The following TCF7L2 variants were observed in gnomAD, a reference collection of about 807,000 sequenced individuals.
TCF7L2 encodes the protein transcription factor 7-like 2.
TCF7L2 carries 23 observed loss-of-function variants against 77.9 expected under a neutral mutation model. That is an observed-to-expected ratio of 0.30 (90% confidence interval 0.21 to 0.42). The LOEUF is 0.42. TCF7L2 is among the 10% of genes least tolerant of loss of function. The pLI is 1.00. For missense variants in TCF7L2, 654 were observed against 793.1 expected, an observed-to-expected ratio of 0.82 and a Z score of 2.11; for synonymous variants, 413 against 340.2, an observed-to-expected ratio of 1.21 and a Z score of -2.36.
At chr10:113,076,060 C>T (rs1431519138) in intron 5 of TCF7L2, among the ~76,000 whole-genome samples, 1 of 146,380 alleles carries the variant, frequency 6.8e-6, no homozygotes, top group Non-Finnish European at 1.5e-5. Context: ...CACTTAAACC[C>T]AGGAGGCGAA....
intron 3 of TCF7L2, among the ~76,000 whole-genome samples, chr10:112,955,226 CT>C (rs1308726075): frequency 6.6e-6 from 1 of 151,988 alleles, no homozygotes; most frequent in African/African-American, 2.4e-5. Flanking sequence ...CAATAAAATG[CT>C]TATCGCCCTG....
intron 4 of TCF7L2, among the ~76,000 whole-genome samples, chr10:112,992,321 C>T (rs1027101711): frequency 2.6e-5 from 4 of 152,306 alleles, no homozygotes; most frequent in African/African-American, 9.6e-5. Flanking sequence ...GATTCCATTC[C>T]GCACGCCACC....
intron 3 of TCF7L2, among the ~76,000 whole-genome samples, chr10:112,954,576 A>C (rs1333273715): frequency 6.6e-6 from 1 of 152,248 alleles, no homozygotes; most frequent in Non-Finnish European, 1.5e-5. Flanking sequence ...ACAAAACTGC[A>C]TTAAGGAGAG....
chr10:112,951,689 G>GCCCCCTCCCCGCCTC (rs1554855559), intron 3 of TCF7L2, 82 bp downstream of exon 3: 18 of 766,292 alleles, frequency 2.3e-5, no homozygotes, highest in African/African-American at 2.8e-5. Context: ...CCCCTGCCCT[G>GCCCCCTCCCCGCCTC]CCCCCTCCCC....
chr10:112,966,210 A>ATATATATATATATATATATATT (rs1554877072), intron 4 of TCF7L2, among the ~76,000 whole-genome samples: 3 of 108,616 alleles, frequency 2.8e-5, no homozygotes, highest in South Asian at 2.8e-4. Context: ...ATATATATAT[A>ATATATATATATATATATATATT]TTTTCTTTTC....
chr10:113,130,963 A>T (rs1250487074), intron 5 of TCF7L2, among the ~76,000 whole-genome samples: 1 of 151,982 alleles, frequency 6.6e-6, no homozygotes, highest in Non-Finnish European at 1.5e-5. Context: ...ACGGGGTTTC[A>T]TCACGTTGGC....
Position 113,165,599 on chromosome 10 carries a change from G to A in TCF7L2, c.1436G>A (p.Cys479Tyr). 1.2e-6 allele frequency: 2 copies of A among 1,614,046 alleles called. No individual in the cohort carries two copies. Among genetic ancestry groups the A allele is most frequent in the Non-Finnish European group, 1.7e-6 (2 of 1,179,976 alleles). Residue 479 changes from cysteine to tyrosine, a missense_variant, in exon 14 of 14, where the codon TGC becomes TAC. Around this residue, in one of 6 missense-constraint regions of TCF7L2, gnomAD observed 272 missense variants for 215.4 expected, o/e 1.26. Coordinates refer to ENST00000627217, the MANE Select transcript of TCF7L2 (RefSeq NM_001146274.2). ...CGCTACATACAAGGTGAAGGCAGCT[G>A]CCTCAGCCCACCCTCTTCAGATGGA...
At chr10:113,029,218 A>G (rs145577573) in intron 4 of TCF7L2, among the ~76,000 whole-genome samples, 3 of 152,262 alleles carry the variant, frequency 2.0e-5, no homozygotes, top group African/African-American at 7.2e-5. Context: ...TGTTGACTCA[A>G]CTGCTCTTCT....
intron 13 of TCF7L2, among the ~76,000 whole-genome samples, chr10:113,164,317 T>G (rs184536700): frequency 9.2e-5 from 14 of 152,328 alleles, no homozygotes; most frequent in Non-Finnish European, 1.2e-4. Context: ...CTTACATGAA[T>G]GAGTAGTGAA....
At chr10:113,019,603 T>A (rs1361051694) in intron 4 of TCF7L2, among the ~76,000 whole-genome samples, 1 of 152,070 alleles carries the variant, frequency 6.6e-6, no homozygotes, top group Non-Finnish European at 1.5e-5. Context: ...AAAAATAAAC[T>A]GAAAATATGT....
intron 5 of TCF7L2, among the ~76,000 whole-genome samples, chr10:113,113,526 C>T (rs765524011): frequency 5.3e-5 from 8 of 152,064 alleles, no homozygotes; most frequent in Admixed American, 6.5e-5. Context: ...CTGTGTTGCT[C>T]GCACCTTCAC....
intron 4 of TCF7L2, among the ~76,000 whole-genome samples, chr10:113,024,589 G>A (rs918829114): frequency 1.3e-5 from 2 of 150,776 alleles, no homozygotes; most frequent in African/African-American, 4.9e-5. Flanking sequence ...ATCTGAACAG[G>A]AAATTCATTT....
At chr10:113,096,677 C>T (rs1357999732) in intron 5 of TCF7L2, among the ~76,000 whole-genome samples, 1 of 152,098 alleles carries the variant, frequency 6.6e-6, no homozygotes, top group Non-Finnish European at 1.5e-5. Context: ...GAAAGAGGAG[C>T]AGCCACACCC....
intron 4 of TCF7L2, among the ~76,000 whole-genome samples, chr10:113,020,338 GGA>G (rs2048080492): frequency 6.6e-6 from 1 of 152,120 alleles, no homozygotes; most frequent in Non-Finnish European, 1.5e-5. Context: ...CACCATCTCA[GGA>G]GTGGCAGAGC....
At chr10:113,094,239 G>C (rs2060700334) in intron 5 of TCF7L2, among the ~76,000 whole-genome samples, 1 of 152,214 alleles carries the variant, frequency 6.6e-6, no homozygotes, top group African/African-American at 2.4e-5. Context: ...ATTTTGGTGA[G>C]AGGAAATGAA....
At chr10:113,113,290 G>A (rs1326873886) in intron 5 of TCF7L2, among the ~76,000 whole-genome samples, 4 of 152,156 alleles carry the variant, frequency 2.6e-5, no homozygotes, top group Admixed American at 2.6e-4. Flanking sequence ...GTAAGCAGGT[G>A]AATTGGAAAT....
intron 4 of TCF7L2, among the ~76,000 whole-genome samples, chr10:113,026,539 C>T (rs2049211442): frequency 6.6e-6 from 1 of 152,150 alleles, no homozygotes; most frequent in Admixed American, 6.5e-5. Context: ...GGAGTTAGGT[C>T]CGTCTGTAAG....
At chr10:113,083,242 C>T (rs2059486680) in intron 5 of TCF7L2, among the ~76,000 whole-genome samples, 1 of 136,016 alleles carries the variant, frequency 7.4e-6, no homozygotes, top group South Asian at 2.5e-4. Context: ...GGACACTGCC[C>T]TCCACATATA....
intron 5 of TCF7L2, among the ~76,000 whole-genome samples, chr10:113,087,672 C>T (rs1287314842): frequency 3.6e-5 from 5 of 139,136 alleles, no homozygotes; most frequent in Non-Finnish European, 6.6e-5. Flanking sequence ...CTCTGGTGCT[C>T]GGCTTCCCTT....
Sources: allele counts gnomAD v4.1 joint callset (sites outside exome capture counted in the v4.1 genomes callset), GRCh38; gene constraint gnomAD v4.1.1; regional missense constraint gnomAD v4.1.1; transcripts MANE v1.5; gene names NCBI Gene and HGNC (gene_info 2026-07-23, HGNC 2026-07-21).